Variants in CDIN1 observed in about 807,000 individuals in gnomAD.
CDIN1 encodes CDAN1 interacting nuclease 1.
In CDIN1, 33 loss-of-function variants were observed where a neutral mutation model predicts 45.3. The observed-to-expected ratio is 0.73, with a 90% CI of 0.55 to 0.97. The LOEUF is 0.97. Ranked by LOEUF, CDIN1 falls within the 50% of genes least tolerant of loss-of-function variation. CDIN1 has a pLI of 0.00. For missense variants in CDIN1, 303 were observed against 339.4 expected (o/e 0.89, Z 0.84); for synonymous variants, 118 against 124.4 (o/e 0.95, Z 0.34).
intron 1 of CDIN1, chr15:36,618,249 A>T (rs78476837): frequency 4.5e-6 from 3 of 669,270 alleles, no homozygotes; most frequent in Non-Finnish European, 8.2e-6. Flanking sequence ...CAGAACACTC[A>T]ACAGAGGACT....
intron 1 of CDIN1, among the ~76,000 whole-genome samples, chr15:36,631,615 A>G (rs2039683378): frequency 6.6e-6 from 1 of 152,172 alleles, no homozygotes; most frequent in Non-Finnish European, 1.5e-5. Flanking sequence ...ATAATATTGC[A>G]TTGAATGGGT....
At chr15:36,711,936 A>ATTCTCCTC (rs1226436336) in intron 10 of CDIN1, among the ~76,000 whole-genome samples, 1 of 152,178 alleles carries the variant, frequency 6.6e-6, no homozygotes, top group Non-Finnish European at 1.5e-5. Flanking sequence ...TGACAGAAGG[A>ATTCTCCTC]GAACTTACCC....
chr15:36,800,562 T>C (rs938434125), intron 10 of CDIN1, among the ~76,000 whole-genome samples: 4 of 152,106 alleles, frequency 2.6e-5, no homozygotes, highest in Admixed American at 6.6e-5. Context: ...TGGATATACA[T>C]ACAACAGTGA....
intron 10 of CDIN1, among the ~76,000 whole-genome samples, chr15:36,779,722 C>T (rs1402225975): frequency 1.3e-5 from 2 of 152,200 alleles, no homozygotes; most frequent in Non-Finnish European, 2.9e-5. Flanking sequence ...ATTAGCTGAC[C>T]AGGTTACCAG....
At chr15:36,671,480 G>T (rs1422409997) in intron 5 of CDIN1, among the ~76,000 whole-genome samples, 1 of 151,946 alleles carries the variant, frequency 6.6e-6, no homozygotes, top group Non-Finnish European at 1.5e-5. Context: ...TTGTGTGTGT[G>T]TTTCTCTTTT....
At chr15:36,748,024 G>GT (rs2044507308) in intron 10 of CDIN1, among the ~76,000 whole-genome samples, 1 of 152,200 alleles carries the variant, frequency 6.6e-6, no homozygotes, top group Admixed American at 6.5e-5. Context: ...ATATAGCTGA[G>GT]TAGAAAGGGC....
chr15:36,724,268 A>G (rs2043540241), intron 10 of CDIN1, among the ~76,000 whole-genome samples: 1 of 152,190 alleles, frequency 6.6e-6, no homozygotes, highest in Non-Finnish European at 1.5e-5. Flanking sequence ...TATTGAAATA[A>G]TCCATTAATT....
chr15:36,761,752 C>T (rs927908468), intron 10 of CDIN1, among the ~76,000 whole-genome samples: 19 of 152,278 alleles, frequency 1.2e-4, no homozygotes, highest in East Asian at 3.9e-4. Flanking sequence ...TTACTTCTTG[C>T]TCCAGGAAAA....
chr15:36,791,974 A>G (rs1433728327), intron 10 of CDIN1, among the ~76,000 whole-genome samples: 1 of 152,156 alleles, frequency 6.6e-6, no homozygotes, highest in Admixed American at 6.5e-5. Context: ...AAATAAACAC[A>G]TATTAATCAG....
chr15:36,677,301 T>TG (rs2041681753), intron 5 of CDIN1, among the ~76,000 whole-genome samples: 1 of 152,042 alleles, frequency 6.6e-6, no homozygotes, highest in Non-Finnish European at 1.5e-5. Flanking sequence ...TAAAATTTCA[T>TG]GGGGGGAGCA....
chr15:36,643,229 G>A (rs1201870468), intron 1 of CDIN1, among the ~76,000 whole-genome samples: 1 of 152,048 alleles, frequency 6.6e-6, no homozygotes, highest in African/African-American at 2.4e-5. Flanking sequence ...AATTTGGTAA[G>A]GGTGGAAAGT....
At chr15:36,644,431 T>C in intron 2 of CDIN1, 108 bp downstream of exon 2, 1 of 1,208,650 alleles carries the variant, frequency 8.3e-7, no homozygotes, top group Non-Finnish European at 1.2e-6. Flanking sequence ...GGTTGGAGGA[T>C]GTTCTCCTTT....
At chr15:36,697,802 A>G (rs74008750) in intron 8 of CDIN1, among the ~76,000 whole-genome samples, 5,073 of 152,232 alleles carry the variant, frequency 0.033, 299 homozygotes, top group African/African-American at 0.12. Flanking sequence ...CTTTTACTTG[A>G]AAGCAAAATA....
In CDIN1 at chr15:36,690,893, G is replaced by A. The variant is rs147362693; in HGVS notation, c.347-792G>A. Reference sequence around the variant, plus strand: ...GTGGCTGCCACATGCCTAGTGAGCAGCGAGGTCAGGATCTCCTACCTTGCT... The same window carrying A: ...GTGGCTGCCACATGCCTAGTGAGCAACGAGGTCAGGATCTCCTACCTTGCT... On this transcript the variant is annotated intron_variant, in intron 5 of 10. Transcript: ENST00000566621. Among the ~76,000 whole-genome samples the A allele has an allele frequency of 8.9e-3, 1,352 of 152,180 alleles. 19 individuals are homozygous for A. The highest frequency in any genetic ancestry group is 0.031 in the African/African-American group (1,283 of 41,528).
intron 10 of CDIN1, among the ~76,000 whole-genome samples, chr15:36,795,810 T>A (rs1393567414): frequency 6.6e-6 from 1 of 152,052 alleles, no homozygotes; most frequent in Admixed American, 6.6e-5. Context: ...CCAAGCAATC[T>A]TCCCATCTCA....
At chr15:36,642,756 C>A in intron 1 of CDIN1, among the ~76,000 whole-genome samples, 1 of 152,164 alleles carries the variant, frequency 6.6e-6, no homozygotes, top group East Asian at 1.9e-4. Flanking sequence ...CTAACTTTCT[C>A]ATTACAAATA....
At chr15:36,619,359 C>T (rs1372973382) in intron 1 of CDIN1, 5 of 424,828 alleles carry the variant, frequency 1.2e-5, no homozygotes, top group African/African-American at 1.0e-4. Context: ...GAGAGGGTAA[C>T]CAGGAAGGAA....
chr15:36,737,048 A>G (rs942646397), intron 10 of CDIN1, among the ~76,000 whole-genome samples: 2 of 151,886 alleles, frequency 1.3e-5, no homozygotes, highest in East Asian at 1.9e-4. Flanking sequence ...CACGCCTGTA[A>G]TCCCAGCTAC....
intron 10 of CDIN1, among the ~76,000 whole-genome samples, chr15:36,710,179 T>C (rs2043005957): frequency 6.6e-6 from 1 of 152,168 alleles, no homozygotes; most frequent in Admixed American, 6.6e-5. Context: ...AGGTCAAAAT[T>C]AGTATATATT....
Sources: allele counts gnomAD v4.1 joint callset (sites outside exome capture counted in the v4.1 genomes callset), GRCh38; gene constraint gnomAD v4.1.1; transcripts MANE v1.5; gene names NCBI Gene and HGNC (gene_info 2026-07-23, HGNC 2026-07-21).